CFAP54: variants seen among roughly 807,000 people sequenced by gnomAD.
CFAP54 encodes the protein cilia- and flagella-associated protein 54.
A neutral mutation model predicts 370.4 loss-of-function variants in CFAP54; 290 were observed. That is an observed-to-expected ratio of 0.78 (90% CI 0.71 to 0.86). The LOEUF (loss-of-function observed/expected upper bound fraction) is 0.86. Ranked by LOEUF, CFAP54 falls within the 40% of genes least tolerant of loss-of-function variation. CFAP54 has a pLI of 0.00. For synonymous variants in CFAP54, 1,206 were observed against 1,236.5 expected, an observed-to-expected ratio of 0.98 and a Z score of 0.52; for missense variants, 3,399 against 3,528.7, an observed-to-expected ratio of 0.96 and a Z score of 0.93.
At chr12:96,663,310 G>A (rs1957017296) in intron 38 of CFAP54, among the ~76,000 whole-genome samples, 1 of 152,114 alleles carries the variant, frequency 6.6e-6, no homozygotes, top group Non-Finnish European at 1.5e-5. Flanking sequence ...GAAGAGAAGA[G>A]GGTCTTGGGC....
chr12:96,700,299 G>A (rs1266827254), intron 46 of CFAP54, among the ~76,000 whole-genome samples: 1 of 152,160 alleles, frequency 6.6e-6, no homozygotes, highest in African/African-American at 2.4e-5. Context: ...GCATGGTTTT[G>A]GAGTAGTTTT....
chr12:96,654,828 C>A (rs2136508551), intron 36 of CFAP54, among the ~76,000 whole-genome samples: 2 of 82,374 alleles, frequency 2.4e-5, no homozygotes, highest in East Asian at 5.6e-4. Context: ...GCTCATTTCA[C>A]TTAATTTTTT....
At chr12:96,582,091 G>A (rs998485596) in intron 22 of CFAP54, among the ~76,000 whole-genome samples, 8 of 152,094 alleles carry the variant, frequency 5.3e-5, no homozygotes, top group African/African-American at 1.2e-4. Flanking sequence ...CCATGTGATA[G>A]TGGACAAGTA....
At chr12:96,781,233 A>G (rs1958577090) in intron 60 of CFAP54, among the ~76,000 whole-genome samples, 1 of 152,156 alleles carries the variant, frequency 6.6e-6, no homozygotes, top group Admixed American at 6.5e-5. Context: ...TAAAAAGTGC[A>G]AATATTACTT....
chr12:96,551,861 A>G (rs1423443689), intron 15 of CFAP54, among the ~76,000 whole-genome samples: 3 of 152,326 alleles, frequency 2.0e-5, no homozygotes, highest in African/African-American at 7.2e-5. Flanking sequence ...ACATAAAGCT[A>G]TCTGTCATTC....
At chr12:96,655,311 G>GAA (rs573368334) in intron 36 of CFAP54, among the ~76,000 whole-genome samples, 1 of 137,170 alleles carries the variant, frequency 7.3e-6, no homozygotes, top group Admixed American at 7.3e-5. Flanking sequence ...GGCTTCTTTG[G>GAA]AAAAAAAAAA....
chr12:96,749,054 GT>G (rs1958153568), intron 55 of CFAP54, among the ~76,000 whole-genome samples: 1 of 152,152 alleles, frequency 6.6e-6, no homozygotes, highest in Non-Finnish European at 1.5e-5. Context: ...AAAAATGGGA[GT>G]TTTTACAGTA....
chr12:96,811,926 C>T (rs542317370), intron 64 of CFAP54, 84 bp downstream of exon 64: 2 of 738,996 alleles, frequency 2.7e-6, no homozygotes, highest in East Asian at 6.2e-5. Context: ...CAAGGTGTAG[C>T]ATAGGAGACC....
chr12:96,773,431 A>G (rs1219294011), intron 60 of CFAP54, among the ~76,000 whole-genome samples: 5 of 152,228 alleles, frequency 3.3e-5, no homozygotes, highest in African/African-American at 1.2e-4. Context: ...TATAATACCT[A>G]AAATCCCATC....
At chr12:96,871,849 A>G (rs1960176754) in intron 67 of CFAP54, among the ~76,000 whole-genome samples, 1 of 152,160 alleles carries the variant, frequency 6.6e-6, no homozygotes, top group African/African-American at 2.4e-5. Context: ...AGTAGAAATT[A>G]TCTAAGCACT....
intron 62 of CFAP54, among the ~76,000 whole-genome samples, chr12:96,787,710 C>T (rs1459018630): frequency 1.3e-5 from 2 of 152,092 alleles, no homozygotes; most frequent in Non-Finnish European, 2.9e-5. Context: ...AGTCCCTGTA[C>T]ATATAGTCTC....
intron 17 of CFAP54, among the ~76,000 whole-genome samples, chr12:96,560,558 T>C (rs903323619): frequency 2.6e-5 from 4 of 152,214 alleles, no homozygotes; most frequent in Non-Finnish European, 2.9e-5. Flanking sequence ...AACATTGATA[T>C]TTTTGAAGAC....
intron 66 of CFAP54, among the ~76,000 whole-genome samples, chr12:96,849,106 T>C (rs1158439519): frequency 6.6e-6 from 1 of 152,196 alleles, no homozygotes; most frequent in Non-Finnish European, 1.5e-5. Flanking sequence ...AGAATGCATG[T>C]TTTTCCCCAG....
chr12:96,756,980 G>C (rs996501023), intron 57 of CFAP54, among the ~76,000 whole-genome samples: 4 of 152,168 alleles, frequency 2.6e-5, no homozygotes, highest in African/African-American at 9.7e-5. Context: ...TATTGAGTAA[G>C]CCACCTTTAT....
chr12:96,738,339 A>C (rs1958005236), intron 50 of CFAP54, among the ~76,000 whole-genome samples: 1 of 152,132 alleles, frequency 6.6e-6, no homozygotes, highest in African/African-American at 2.4e-5. Flanking sequence ...TGTTGTAGCA[A>C]AGTACCAAAA....
At chr12:96,764,642 A>T (rs546023542) in intron 59 of CFAP54, among the ~76,000 whole-genome samples, 6 of 152,272 alleles carry the variant, frequency 3.9e-5, no homozygotes, top group Admixed American at 3.3e-4. Flanking sequence ...AGAAAAAAAA[A>T]TTACATTATT....
At chr12:96,528,237 T>C (rs146995563) in intron 9 of CFAP54, among the ~76,000 whole-genome samples, 6 of 152,154 alleles carry the variant, frequency 3.9e-5, no homozygotes, top group African/African-American at 1.4e-4. Flanking sequence ...AGTGTTTTTT[T>C]TTGTTGTTGT....
intron 6 of CFAP54, among the ~76,000 whole-genome samples, chr12:96,520,056 C>G (rs1955286434): frequency 6.6e-6 from 1 of 152,142 alleles, no homozygotes; most frequent in African/African-American, 2.4e-5. Context: ...AAGACAGAAT[C>G]TTGCTCTGTT....
chr12:96,591,272 A>T (rs1156276258), intron 23 of CFAP54, among the ~76,000 whole-genome samples: 3 of 152,236 alleles, frequency 2.0e-5, no homozygotes, highest in Non-Finnish European at 4.4e-5. Context: ...GTTGGCAATT[A>T]GCAGGCCATT....
Sources: allele counts gnomAD v4.1 joint callset (sites outside exome capture counted in the v4.1 genomes callset), GRCh38; gene constraint gnomAD v4.1.1; transcripts MANE v1.5; gene names NCBI Gene and HGNC (gene_info 2026-07-23, HGNC 2026-07-21).